Variants in IGF2BP1 observed in about 807,000 individuals in gnomAD.
The protein encoded by IGF2BP1 is insulin like growth factor 2 mRNA binding protein 1.
A neutral mutation model predicts 74.9 loss-of-function variants in IGF2BP1; 11 were observed. The ratio of observed to expected loss-of-function variants is 0.15; its 90% CI spans 0.09 to 0.24. IGF2BP1 has a LOEUF of 0.24. IGF2BP1 is among the 10% of genes least tolerant of loss of function. IGF2BP1 has a pLI of 1.00. For missense variants in IGF2BP1, 440 were observed against 757.4 expected (o/e 0.58, Z 4.92); for synonymous variants, 287 against 281.8 (o/e 1.02, Z -0.18).
chr17:49,008,766 A>AT (rs1278705836), intron 2 of IGF2BP1, among the ~76,000 whole-genome samples: 1 of 152,116 alleles, frequency 6.6e-6, no homozygotes, highest in Non-Finnish European at 1.5e-5. Flanking sequence ...TAACTTAAAA[A>AT]ATATATATTT....
At chr17:49,032,539 A>T (rs539263537) in intron 5 of IGF2BP1, among the ~76,000 whole-genome samples, 29 of 152,308 alleles carry the variant, frequency 1.9e-4, no homozygotes, top group Non-Finnish European at 3.1e-4. Context: ...TTACAGACAG[A>T]CTATACATTT....
intron 2 of IGF2BP1, among the ~76,000 whole-genome samples, chr17:48,999,523 A>T (rs1479488219): frequency 6.6e-6 from 1 of 152,116 alleles, no homozygotes; most frequent in East Asian, 1.9e-4. Flanking sequence ...GTTCAGACTC[A>T]TGGCGATTTC....
chr17:49,012,015 G>T (rs1432282282), intron 2 of IGF2BP1, among the ~76,000 whole-genome samples: 1 of 150,682 alleles, frequency 6.6e-6, no homozygotes, highest in East Asian at 1.9e-4. Flanking sequence ...GGGTTCAAGT[G>T]ATTCTCCTGC....
chr17:49,031,793 G>A (rs941087679), intron 4 of IGF2BP1, 117 bp from the exon 5 acceptor site: 25 of 907,460 alleles, frequency 2.8e-5, no homozygotes, highest in Non-Finnish European at 4.3e-5. Context: ...GTGATCTACC[G>A]TGTCTGGCCT....
chr17:49,007,760 A>G (rs968771700), intron 2 of IGF2BP1, among the ~76,000 whole-genome samples: 3 of 152,196 alleles, frequency 2.0e-5, no homozygotes, highest in Non-Finnish European at 2.9e-5. Context: ...GAGGATGTCT[A>G]TTCAAAGTTA....
intron 2 of IGF2BP1, among the ~76,000 whole-genome samples, chr17:49,010,313 C>CTTTTTTTTTTTTTTTTTT (rs397857828): frequency 9.5e-6 from 1 of 105,622 alleles, no homozygotes. Context: ...TGGTGGTCAT[C>CTTTTTTTTTTTTTTTTTT]TTTTTTTTTT....
chr17:49,037,044 T>A (rs980496143), intron 5 of IGF2BP1: 40 of 225,386 alleles, frequency 1.8e-4, no homozygotes, highest in African/African-American at 9.2e-4. Context: ...GTTTCAGTTG[T>A]GAATTATGAA....
Position 49,051,975 on chromosome 17 carries a change from T to G in IGF2BP1, c.*2531T>G, listed in dbSNP as rs893245866. ...GTCTTCTTTAGATCGGTCTGATTGA[T>G]TTTAAAAGTGGACCCAAACTTAGGG... On this transcript the variant is annotated 3_prime_UTR_variant, in exon 15 of 15. Transcript: ENST00000290341. 1.3e-5 allele frequency: 2 copies of G among 152,132 alleles called. No individual in the cohort carries two copies. Among genetic ancestry groups the G allele is most frequent in the African/African-American group, 4.8e-5 (2 of 41,418 alleles). 9.4% of individuals were successfully genotyped at this position (152,132 alleles called of 1,614,324 possible).
intron 3 of IGF2BP1, 137 bp downstream of exon 3, chr17:49,025,803 CTT>C: frequency 1.8e-6 from 1 of 542,114 alleles, no homozygotes. Flanking sequence ...TCCTTTCTTT[CTT>C]TTTTTCTTTT....
intron 2 of IGF2BP1, among the ~76,000 whole-genome samples, chr17:49,000,042 G>A (rs570997108): frequency 1.3e-5 from 2 of 151,868 alleles, no homozygotes; most frequent in South Asian, 4.2e-4. Flanking sequence ...AGAATTCATG[G>A]TGGATTTCAA....
In IGF2BP1 at chr17:49,031,906, G is replaced by T. The variant is rs763952482; in HGVS notation, c.338-4G>T. 6.2e-7 allele frequency: 1 copy of T among 1,613,418 alleles called. No individual in the cohort carries two copies. Among genetic ancestry groups the T allele is most frequent in the East Asian group, 2.2e-5 (1 of 44,846 alleles). ...TCTGAGGTTATCCTCTCTTTTCTCT[G>T]CAGTGAACACCGAGAGTGAGACGGC... On this transcript the variant is annotated splice_polypyrimidine_tract_variant and splice_region_variant and intron_variant, in intron 4 of 14. Transcript: ENST00000290341.
chr17:49,042,487 T>A, intron 9 of IGF2BP1, 110 bp downstream of exon 9: 2 of 1,168,806 alleles, frequency 1.7e-6, no homozygotes, highest in Non-Finnish European at 2.5e-6. Context: ...CCTTGGAGCT[T>A]TAGTTGATGC....
intron 2 of IGF2BP1, among the ~76,000 whole-genome samples, chr17:49,000,919 G>A (rs1339717863): frequency 1.3e-5 from 2 of 150,286 alleles, no homozygotes; most frequent in Non-Finnish European, 3.0e-5. Flanking sequence ...GAATGGAGAG[G>A]GGGTTTGTGA....
intron 7 of IGF2BP1, among the ~76,000 whole-genome samples, chr17:49,041,142 G>A (rs1336241173): frequency 6.6e-6 from 1 of 152,200 alleles, no homozygotes; most frequent in Non-Finnish European, 1.5e-5. Flanking sequence ...TAGTGCCACT[G>A]CATTCCAGCC....
At chr17:49,004,571 A>G (rs1381440817) in intron 2 of IGF2BP1, 2 of 152,234 alleles carry the variant, frequency 1.3e-5, no homozygotes, top group Non-Finnish European at 2.9e-5. Context: ...TGCAATCTTT[A>G]CAAAATGAGC....
chr17:48,998,455 G>A (rs2143898229), intron 1 of IGF2BP1, among the ~76,000 whole-genome samples: 1 of 152,384 alleles, frequency 6.6e-6, no homozygotes, highest in East Asian at 1.9e-4. Flanking sequence ...CTCCCGCCCA[G>A]GGCCTGGGGC....
At chr17:49,016,414 C>T (rs1014283680) in intron 2 of IGF2BP1, among the ~76,000 whole-genome samples, 10 of 152,102 alleles carry the variant, frequency 6.6e-5, no homozygotes, top group Admixed American at 2.6e-4. Context: ...TGTGTGCGTG[C>T]GCACGTGTGT....
At chr17:49,048,969 A>G (rs2042136355) in intron 14 of IGF2BP1, among the ~76,000 whole-genome samples, 1 of 151,068 alleles carries the variant, frequency 6.6e-6, no homozygotes, top group African/African-American at 2.4e-5. Context: ...GTTGGGGACC[A>G]CTGCTCTGCA....
intron 8 of IGF2BP1, among the ~76,000 whole-genome samples, chr17:49,041,714 A>T (rs1385792995): frequency 2.0e-5 from 3 of 152,162 alleles, no homozygotes; most frequent in Non-Finnish European, 4.4e-5. Flanking sequence ...GGGGTGTTGT[A>T]AGGTGCTGCC....
Sources: allele counts gnomAD v4.1 joint callset (sites outside exome capture counted in the v4.1 genomes callset), GRCh38; gene constraint gnomAD v4.1.1; transcripts MANE v1.5; gene names NCBI Gene and HGNC (gene_info 2026-07-23, HGNC 2026-07-21).